ANO3: variants seen among roughly 807,000 people sequenced by gnomAD.
ANO3 encodes the protein anoctamin-3.
A neutral mutation model predicts 144.8 loss-of-function variants in ANO3; 99 were observed. The ratio of observed to expected loss-of-function variants is 0.68; its 90% CI spans 0.58 to 0.81. ANO3 has a LOEUF of 0.81. ANO3 is among the 30% of genes least tolerant of loss of function. ANO3 has a pLI of 0.00. For missense variants in ANO3, 905 were observed against 1,202.2 expected (o/e 0.75, Z 3.66); for synonymous variants, 414 against 392.6 (o/e 1.05, Z -0.64).
chr11:26,491,297 A>G (rs1433816884), intron 4 of ANO3, among the ~76,000 whole-genome samples: 1 of 152,206 alleles, frequency 6.6e-6, no homozygotes, highest in Non-Finnish European at 1.5e-5. Flanking sequence ...TAACTCTCTA[A>G]TTTGTCTAGC....
At chr11:26,647,448 A>G (rs977296596) in intron 23 of ANO3, among the ~76,000 whole-genome samples, 3 of 152,310 alleles carry the variant, frequency 2.0e-5, no homozygotes, top group Admixed American at 1.3e-4. Context: ...CACCTGTGCC[A>G]TGTCTCATTG....
chr11:26,375,163 G>A (rs1388238728), intron 1 of ANO3, among the ~76,000 whole-genome samples: 3 of 152,210 alleles, frequency 2.0e-5, no homozygotes, highest in Non-Finnish European at 4.4e-5. Flanking sequence ...GACAGTGACA[G>A]ATCATCAGAC....
At chr11:26,414,230 C>T (rs1857509951) in intron 1 of ANO3, among the ~76,000 whole-genome samples, 1 of 152,052 alleles carries the variant, frequency 6.6e-6, no homozygotes, top group Non-Finnish European at 1.5e-5. Flanking sequence ...CCCAGCAATC[C>T]CATTACTGGG....
At chr11:26,250,706 A>T (rs2045702) in intron 1 of ANO3, among the ~76,000 whole-genome samples, 1 of 152,034 alleles carries the variant, frequency 6.6e-6, no homozygotes, top group Non-Finnish European at 1.5e-5. Context: ...TTATCCATGC[A>T]TAAGTTACTT....
intron 12 of ANO3, among the ~76,000 whole-genome samples, chr11:26,549,231 C>T (rs1849866959): frequency 6.6e-6 from 1 of 151,962 alleles, no homozygotes; most frequent in Non-Finnish European, 1.5e-5. Flanking sequence ...TTCTAAAAGG[C>T]ATTAGTAAAC....
chr11:26,501,817 G>A (rs1459933337), intron 4 of ANO3, among the ~76,000 whole-genome samples: 2 of 152,100 alleles, frequency 1.3e-5, no homozygotes, highest in African/African-American at 4.8e-5. Context: ...ACAAAAAACA[G>A]GACCACAGAG....
Position 26,601,129 on chromosome 11 carries a change from A to T in ANO3, c.1836+1415A>T, listed in dbSNP as rs116938145. Among the ~76,000 whole-genome samples, 77 of 152,322 alleles carry T rather than the reference A, an allele frequency of 5.1e-4. No individual in the cohort carries two copies. The East Asian group carries it at 0.011, about 22-fold the overall frequency. ...AAACTGAGATTCAAAGAGCTTAAAT[A>T]ACCTGCATATAGTAAGTGTTAATGT... On this transcript the variant is annotated intron_variant, in intron 17 of 26. Transcript: ENST00000256737.
At chr11:26,444,902 A>T (rs1213586965) in intron 3 of ANO3, among the ~76,000 whole-genome samples, 1 of 152,202 alleles carries the variant, frequency 6.6e-6, no homozygotes, top group East Asian at 1.9e-4. Flanking sequence ...AGCAACCAGC[A>T]GGTTCATTTC....
intron 14 of ANO3, among the ~76,000 whole-genome samples, chr11:26,564,692 T>TATACACACAC (rs1554970707): frequency 1.5e-4 from 6 of 41,134 alleles, no homozygotes; most frequent in Admixed American, 9.4e-4. Context: ...CTCATATATA[T>TATACACACAC]ACACACACAC....
chr11:26,519,791 C>T (rs1295712690), intron 6 of ANO3, among the ~76,000 whole-genome samples: 1 of 152,132 alleles, frequency 6.6e-6, no homozygotes, highest in Non-Finnish European at 1.5e-5. Context: ...CAATTGGTAA[C>T]AAATGTTTGC....
At chr11:26,600,382 C>CCCTCT (rs1477446344) in intron 17 of ANO3, among the ~76,000 whole-genome samples, 1 of 67,296 alleles carries the variant, frequency 1.5e-5, no homozygotes, top group African/African-American at 6.8e-5. Flanking sequence ...CTCTTCTCTC[C>CCCTCT]CCTCTCCTCT....
At chr11:26,232,320 G>A (rs905814606) in intron 1 of ANO3, among the ~76,000 whole-genome samples, 1 of 152,100 alleles carries the variant, frequency 6.6e-6, no homozygotes, top group Non-Finnish European at 1.5e-5. Flanking sequence ...TCTATCAGTG[G>A]CCATTGTATG....
chr11:26,453,179 C>T (rs1308675308), intron 3 of ANO3, among the ~76,000 whole-genome samples: 1 of 152,106 alleles, frequency 6.6e-6, no homozygotes, highest in African/African-American at 2.4e-5. Flanking sequence ...AACTAATGAG[C>T]AAAATAACCA....
chr11:26,341,092 C>G (rs1362074319), intron 1 of ANO3, among the ~76,000 whole-genome samples: 1 of 152,014 alleles, frequency 6.6e-6, no homozygotes, highest in Non-Finnish European at 1.5e-5. Flanking sequence ...CTCCCCTCCC[C>G]GCTTCTCTTC....
chr11:26,575,238 T>C (rs542791003), intron 14 of ANO3, among the ~76,000 whole-genome samples: 99 of 152,078 alleles, frequency 6.5e-4, no homozygotes, highest in African/African-American at 2.1e-3. Flanking sequence ...CATTTAATAT[T>C]CATTAAAATT....
At chr11:26,540,736 C>T (rs1470086446) in intron 10 of ANO3, among the ~76,000 whole-genome samples, 1 of 152,092 alleles carries the variant, frequency 6.6e-6, no homozygotes, top group Non-Finnish European at 1.5e-5. Context: ...CAAATCAAAA[C>T]CACAATGAGA....
upstream of ANO3, among the ~76,000 whole-genome samples, chr11:26,306,678 A>G (rs1287507617): frequency 6.6e-6 from 1 of 152,050 alleles, no homozygotes; most frequent in Non-Finnish European, 1.5e-5. Context: ...AAAAAAGAAA[A>G]CATATTTTTT....
At chr11:26,329,560 G>T (rs1854983664), upstream of ANO3, among the ~76,000 whole-genome samples, 2 of 152,164 alleles carry the variant, frequency 1.3e-5, no homozygotes, top group Non-Finnish European at 1.5e-5. Flanking sequence ...TGACAAGATA[G>T]TTTAATCATA....
intron 4 of ANO3, among the ~76,000 whole-genome samples, chr11:26,506,764 A>ACCTGTTG (rs1861449885): frequency 6.6e-6 from 1 of 152,144 alleles, no homozygotes; most frequent in South Asian, 2.1e-4. Context: ...AGGCAACCTA[A>ACCTGTTG]CCTGTTGCTG....
Sources: allele counts gnomAD v4.1 joint callset (sites outside exome capture counted in the v4.1 genomes callset), GRCh38; gene constraint gnomAD v4.1.1; transcripts MANE v1.5; gene names NCBI Gene and HGNC (gene_info 2026-07-23, HGNC 2026-07-21).